Variants in FER1L6 observed in about 807,000 individuals in gnomAD.
FER1L6 encodes fer-1-like protein 6.
A neutral mutation model predicts 219.2 loss-of-function variants in FER1L6; 177 were observed. The observed-to-expected ratio is 0.81, with a 90% CI of 0.71 to 0.91. The LOEUF is 0.91. Ranked by LOEUF, FER1L6 falls within the 40% of genes least tolerant of loss-of-function variation. The pLI is 0.00. For missense variants in FER1L6, 2,153 were observed against 2,259.9 expected (o/e 0.95, Z 0.96); for synonymous variants, 768 against 824.3 (o/e 0.93, Z 1.17).
In FER1L6 at chr8:123,951,323, G is replaced by A. The variant is rs530777355; in HGVS notation, c.-7-4669G>A. Among the ~76,000 whole-genome samples, 167 of 152,348 alleles carry A rather than the reference G, an allele frequency of 1.1e-3. 3 individuals are homozygous for A. The highest frequency in any genetic ancestry group is 3.7e-4 in the Non-Finnish European group (25 of 68,034). ...CATATGGATTAGATGTGTAGCCAAA[G>A]TTGGGGCATCATTGCCTTAATGAAA... On this transcript the variant is annotated intron_variant, in intron 1 of 40. Coordinates refer to ENST00000522917, the MANE Select transcript of FER1L6 (RefSeq NM_001039112.2).
At chr8:123,950,157 T>A (rs1241916691) in intron 1 of FER1L6, among the ~76,000 whole-genome samples, 1 of 152,152 alleles carries the variant, frequency 6.6e-6, no homozygotes, top group Admixed American at 6.5e-5. Context: ...CGTCTAGTAG[T>A]CCTATCTGTA....
intron 1 of FER1L6, among the ~76,000 whole-genome samples, chr8:123,855,776 ATGTG>A (rs1434309750): frequency 3.4e-5 from 5 of 146,576 alleles, no homozygotes; most frequent in Admixed American, 3.4e-4. Flanking sequence ...GTGTATATAT[ATGTG>A]TGTGTGTGTA....
Position 123,966,181 on chromosome 8 carries a change from C to T in FER1L6, c.275C>T (p.Ala92Val), listed in dbSNP as rs1479818541. The T allele has an allele frequency of 6.2e-7, 1 of 1,614,064 alleles. No individual in the cohort carries two copies. Among genetic ancestry groups the T allele is most frequent in the African/African-American group, 1.3e-5 (1 of 75,026 alleles). The stretch of plus-strand genomic sequence containing the variant: ...CAGATTGCCATAACCATCACCGAGG[C>T]TCGCCAGCTGGTGGGTGAGAACATT... Reference protein sequence around the residue: ...NYQIAITITEARQLVGENIDP... With the variant: ...NYQIAITITEVRQLVGENIDP... Residue 92 changes from alanine to valine, a missense_variant, in exon 5 of 41, where the codon GCT becomes GTT. Physicochemically the swap from Ala to Val is moderately conservative, Grantham distance 64. Transcript: ENST00000522917.
intron 1 of FER1L6, among the ~76,000 whole-genome samples, chr8:123,909,025 A>G (rs373310807): frequency 3.0e-4 from 45 of 152,312 alleles, no homozygotes; most frequent in African/African-American, 1.0e-3. Context: ...ATGTAAAGGG[A>G]TTAACCACTC....
chr8:123,913,891 G>A (rs1158567315), intron 1 of FER1L6, among the ~76,000 whole-genome samples: 1 of 151,016 alleles, frequency 6.6e-6, no homozygotes, highest in South Asian at 2.1e-4. Context: ...TGGTCAATAT[G>A]GCATTCTTAA....
chr8:124,023,990 G>T (rs1412238501), intron 18 of FER1L6, among the ~76,000 whole-genome samples: 1 of 150,994 alleles, frequency 6.6e-6, no homozygotes, highest in Non-Finnish European at 1.5e-5. Context: ...TCCGCCTCCC[G>T]GATTCAAGTG....
intron 1 of FER1L6, among the ~76,000 whole-genome samples, chr8:123,902,339 A>G (rs1021905670): frequency 7.9e-5 from 12 of 152,210 alleles, no homozygotes; most frequent in Admixed American, 7.8e-4. Flanking sequence ...TTCAAGATAT[A>G]GTTAAAATTC....
intron 24 of FER1L6, among the ~76,000 whole-genome samples, chr8:124,061,517 A>G (rs1353841095): frequency 6.6e-6 from 1 of 152,030 alleles, no homozygotes; most frequent in Non-Finnish European, 1.5e-5. Flanking sequence ...TCTTTTATAT[A>G]ATGGGCCTGG....
chr8:123,944,563 TATAA>T (rs1411200877), intron 1 of FER1L6, among the ~76,000 whole-genome samples: 1 of 152,022 alleles, frequency 6.6e-6, no homozygotes, highest in Non-Finnish European at 1.5e-5. Context: ...TATATATATA[TATAA>T]ATAAATACAC....
intron 1 of FER1L6, among the ~76,000 whole-genome samples, chr8:123,874,920 A>G (rs1417329181): frequency 2.0e-5 from 3 of 152,140 alleles, no homozygotes; most frequent in African/African-American, 7.2e-5. Context: ...TCTCAGGCCT[A>G]GTGTGGTGGC....
At chr8:123,962,597 T>C (rs922453177) in intron 2 of FER1L6, among the ~76,000 whole-genome samples, 17 of 152,130 alleles carry the variant, frequency 1.1e-4, no homozygotes, top group African/African-American at 4.1e-4. Flanking sequence ...GTCTCATCAT[T>C]GACAAAAACC....
intron 1 of FER1L6, among the ~76,000 whole-genome samples, chr8:123,936,711 A>G (rs1465586346): frequency 6.6e-6 from 1 of 152,090 alleles, no homozygotes; most frequent in Non-Finnish European, 1.5e-5. Flanking sequence ...TATCTTGCCC[A>G]TAGCAGACAC....
chr8:123,963,269 C>T lies in FER1L6; in HGVS notation c.77-9C>T. ...TCACAGGATTTTCTTCCTTTGTTTGCTTCTCCAGATAGTCAAGGTGACACT... is the reference window on the plus strand; with the variant it reads ...TCACAGGATTTTCTTCCTTTGTTTGTTTCTCCAGATAGTCAAGGTGACACT... On this transcript the variant is annotated splice_polypyrimidine_tract_variant and intron_variant, in intron 2 of 40. Transcript: ENST00000522917. 6.2e-7 allele frequency: 1 copy of T among 1,613,612 alleles called. No individual in the cohort carries two copies. Among genetic ancestry groups the T allele is most frequent in the Non-Finnish European group, 8.5e-7 (1 of 1,179,762 alleles).
At chr8:123,946,953 T>C (rs780270565) in intron 1 of FER1L6, among the ~76,000 whole-genome samples, 1 of 151,966 alleles carries the variant, frequency 6.6e-6, no homozygotes, top group Non-Finnish European at 1.5e-5. Context: ...CTCTGTGTAC[T>C]TTTTTTTGAA....
At chr8:123,905,577 C>T (rs1812937270) in intron 1 of FER1L6, among the ~76,000 whole-genome samples, 1 of 152,194 alleles carries the variant, frequency 6.6e-6, no homozygotes, top group African/African-American at 2.4e-5. Context: ...AGGAATGCTG[C>T]TAGTGTGGTT....
chr8:124,054,732 A>G (rs946491961), intron 22 of FER1L6, among the ~76,000 whole-genome samples: 2 of 152,188 alleles, frequency 1.3e-5, no homozygotes, highest in African/African-American at 4.8e-5. Context: ...ATGCTCAAGG[A>G]GGTCAATGTG....
At chr8:124,056,407 T>C (rs979637614) in intron 22 of FER1L6, among the ~76,000 whole-genome samples, 1 of 152,244 alleles carries the variant, frequency 6.6e-6, no homozygotes, top group Non-Finnish European at 1.5e-5. Context: ...CATTCAACTT[T>C]CTAGGACTCT....
intron 32 of FER1L6, among the ~76,000 whole-genome samples, chr8:124,076,779 A>C (rs959185068): frequency 4.6e-5 from 7 of 152,214 alleles, no homozygotes; most frequent in African/African-American, 1.7e-4. Context: ...TCAAGTTCAG[A>C]TGACACAATT....
At chr8:123,972,498 T>C (rs1815863119) in intron 6 of FER1L6, among the ~76,000 whole-genome samples, 1 of 152,228 alleles carries the variant, frequency 6.6e-6, no homozygotes, top group African/African-American at 2.4e-5. Context: ...GGTGCCAGAA[T>C]CCTTCTCCTC....
Sources: allele counts gnomAD v4.1 joint callset (sites outside exome capture counted in the v4.1 genomes callset), GRCh38; gene constraint gnomAD v4.1.1; transcripts MANE v1.5; gene names NCBI Gene and HGNC (gene_info 2026-07-23, HGNC 2026-07-21).